The following GLDC variants were observed in gnomAD, a reference collection of about 807,000 sequenced individuals.
The protein encoded by GLDC is glycine decarboxylase, also known as glycine dehydrogenase (decarboxylating), mitochondrial.
A neutral mutation model predicts 121.3 loss-of-function variants in GLDC; 104 were observed. The observed-to-expected ratio is 0.86, with a 90% confidence interval of 0.73 to 1.01. GLDC has a LOEUF of 1.01. Among genes scored for constraint, GLDC ranks in the 50% least tolerant of loss-of-function variants. The pLI is 0.00. For synonymous variants in GLDC, 546 were observed against 480.6 expected, an observed-to-expected ratio of 1.14 and a Z score of -1.78; for missense variants, 1,429 against 1,306.6, an observed-to-expected ratio of 1.09 and a Z score of -1.44.
chr9:6,559,978 G>C (rs1381754028), intron 16 of GLDC, among the ~76,000 whole-genome samples: 2 of 152,214 alleles, frequency 1.3e-5, no homozygotes, highest in South Asian at 2.1e-4. Flanking sequence ...TCAAGGCAAA[G>C]TGCCTCAAGA....
At chr9:6,642,732 G>C (rs1179054028) in intron 2 of GLDC, among the ~76,000 whole-genome samples, 2 of 151,976 alleles carry the variant, frequency 1.3e-5, no homozygotes, top group African/African-American at 2.4e-5. Flanking sequence ...CTTTATTTTA[G>C]AGTATATATA....
intron 2 of GLDC, among the ~76,000 whole-genome samples, chr9:6,627,362 C>T (rs1030462391): frequency 2.6e-5 from 4 of 151,310 alleles, no homozygotes; most frequent in African/African-American, 9.7e-5. Context: ...TCTGTAAGAC[C>T]CAGAAGCATA....
chr9:6,565,048 A>G (rs574091286), intron 16 of GLDC, among the ~76,000 whole-genome samples: 44 of 152,302 alleles, frequency 2.9e-4, no homozygotes, highest in Non-Finnish European at 5.9e-4. Flanking sequence ...GATGCTTGCA[A>G]TGGCAACATT....
At chr9:6,605,580 A>G (rs959685908) in intron 5 of GLDC, among the ~76,000 whole-genome samples, 2 of 152,136 alleles carry the variant, frequency 1.3e-5, no homozygotes, top group African/African-American at 4.8e-5. Flanking sequence ...ATGAGCCAAT[A>G]TTTGTTAACA....
chr9:6,644,929 A>C (rs1353545472), intron 1 of GLDC: 42 of 618,326 alleles, frequency 6.8e-5, no homozygotes, highest in Non-Finnish European at 1.1e-4. Flanking sequence ...GCTAACCGGT[A>C]AGCCCACTCT....
Position 6,588,678 on chromosome 9 carries a change from G to T in GLDC, c.1605C>A (p.Val535=). ...FNSYHSETNI[V]RYMKKLENKD... ...TATTTTCCAGTTTCTTCATGTACCG[G>T]ACAATGTTTGTTTCAGAGTGGTAGC... The change falls in exon 13 of 25, where the codon GTC becomes GTA. Residue 535 remains valine (V), a synonymous_variant. Transcript: ENST00000321612. 2 of 1,613,126 alleles carry T rather than the reference G, an allele frequency of 1.2e-6. No individual in the cohort carries two copies. Among genetic ancestry groups the T allele is most frequent in the Non-Finnish European group, 1.7e-6 (2 of 1,179,148 alleles).
intron 7 of GLDC, 150 bp downstream of exon 7, chr9:6,604,438 A>T (rs1409651972): frequency 2.6e-6 from 2 of 784,034 alleles, no homozygotes; most frequent in Non-Finnish European, 4.2e-6. Flanking sequence ...CATATCCCAA[A>T]CAGAATTGTT....
At chr9:6,610,599 T>G (rs1001270022) in intron 3 of GLDC, among the ~76,000 whole-genome samples, 2 of 152,144 alleles carry the variant, frequency 1.3e-5, no homozygotes, top group Non-Finnish European at 2.9e-5. Context: ...TGTTTTTTTG[T>G]TTTTTGTTTG....
intron 8 of GLDC, among the ~76,000 whole-genome samples, chr9:6,597,356 T>C (rs572362179): frequency 2.6e-5 from 4 of 152,290 alleles, no homozygotes; most frequent in Admixed American, 6.5e-5. Flanking sequence ...ATACTTGCAA[T>C]TGGTGAAACT....
chr9:6,559,730 G>T (rs547442417), intron 16 of GLDC, among the ~76,000 whole-genome samples: 1 of 151,258 alleles, frequency 6.6e-6, no homozygotes, highest in Non-Finnish European at 1.5e-5. Flanking sequence ...CAGAAGATTC[G>T]CTTGAATCCG....
intron 21 of GLDC, 24 bp from the exon 22 acceptor site, chr9:6,540,170 C>G: frequency 7.4e-7 from 1 of 1,360,150 alleles, no homozygotes; most frequent in South Asian, 1.2e-5. Context: ...TTGTTTCAGC[C>G]CAAGATTAGC....
intron 4 of GLDC, among the ~76,000 whole-genome samples, chr9:6,608,930 A>G (rs1587964005): frequency 1.3e-5 from 2 of 152,094 alleles, no homozygotes; most frequent in South Asian, 2.1e-4. Context: ...ACCCACCCCC[A>G]ACGGCTGCTC....
At chr9:6,610,453 G>T in intron 3 of GLDC, 97 bp from the exon 4 acceptor site, 2 of 1,254,042 alleles carry the variant, frequency 1.6e-6, no homozygotes, top group Non-Finnish European at 2.3e-6. Context: ...AAAATAATTT[G>T]CCTATCTTGA....
At chr9:6,560,188 G>C (rs1817722652) in intron 16 of GLDC, among the ~76,000 whole-genome samples, 2 of 152,176 alleles carry the variant, frequency 1.3e-5, no homozygotes, top group Non-Finnish European at 2.9e-5. Context: ...GCATCAAGGA[G>C]AAGCCATGAT....
At chr9:6,561,241 C>G (rs1279351501) in intron 16 of GLDC, among the ~76,000 whole-genome samples, 8 of 152,242 alleles carry the variant, frequency 5.3e-5, no homozygotes, top group Non-Finnish European at 8.8e-5. Context: ...AGAGAAGTCA[C>G]AGTGGCTTTG....
At chr9:6,562,536 C>T (rs1817778974) in intron 16 of GLDC, among the ~76,000 whole-genome samples, 1 of 152,196 alleles carries the variant, frequency 6.6e-6, no homozygotes, top group Non-Finnish European at 1.5e-5. Context: ...ATTTTCTTCT[C>T]TAACTAAGAA....
In GLDC at chr9:6,540,025, C is replaced by A. The variant is rs373862883; in HGVS notation, c.2665+26G>T. The A allele has an allele frequency of 7.8e-6, 11 of 1,415,106 alleles. No individual in the cohort carries two copies. In the African/African-American group the frequency reaches 1.5e-4, roughly 20 times the overall value. 87.7% of individuals were successfully genotyped at this position (1,415,106 alleles called of 1,614,324 possible). Reference sequence around the variant, plus strand: ...AGTGGTCCACAGCCAGCATGGGCGGCGGCATGAATGTCAAAAGCCACTTAC... The same window carrying A: ...AGTGGTCCACAGCCAGCATGGGCGGAGGCATGAATGTCAAAAGCCACTTAC... On this transcript the variant is annotated intron_variant, in intron 22 of 24. Transcript: ENST00000321612.
intron 5 of GLDC, among the ~76,000 whole-genome samples, chr9:6,605,613 T>C (rs1223058825): frequency 6.6e-6 from 1 of 152,194 alleles, no homozygotes; most frequent in Non-Finnish European, 1.5e-5. Flanking sequence ...CCTCTTTCAC[T>C]GGCATCACTC....
At chr9:6,545,887 C>T (rs1198319444) in intron 21 of GLDC, among the ~76,000 whole-genome samples, 8 of 152,084 alleles carry the variant, frequency 5.3e-5, no homozygotes, top group African/African-American at 1.7e-4. Flanking sequence ...GTGATCTGCC[C>T]GCCTCAGCCT....
Sources: allele counts gnomAD v4.1 joint callset (sites outside exome capture counted in the v4.1 genomes callset), GRCh38; gene constraint gnomAD v4.1.1; transcripts MANE v1.5; gene names NCBI Gene and HGNC (gene_info 2026-07-23, HGNC 2026-07-21).